KALRN: variants seen among roughly 807,000 people sequenced by gnomAD.
The protein encoded by KALRN is kalirin.
Under a neutral mutation model 353.7 loss-of-function variants are expected in KALRN, and 70 were observed. The ratio of observed to expected loss-of-function variants is 0.20; its 90% confidence interval spans 0.16 to 0.24. KALRN has a LOEUF of 0.24. KALRN is among the 10% of genes least tolerant of loss of function. KALRN has a pLI of 1.00. For synonymous variants in KALRN, 1,391 were observed against 1,434.8 expected (o/e 0.97, Z 0.69); for missense variants, 2,791 against 3,756.7 (o/e 0.74, Z 6.72).
At chr3:124,388,129 T>C (rs2088698993) in intron 11 of KALRN, among the ~76,000 whole-genome samples, 1 of 152,216 alleles carries the variant, frequency 6.6e-6, no homozygotes, top group Non-Finnish European at 1.5e-5. Flanking sequence ...GATTTCCAGA[T>C]CTATTTTCTT....
intron 3 of KALRN, among the ~76,000 whole-genome samples, chr3:124,246,354 G>A (rs545460035): frequency 1.3e-5 from 2 of 152,382 alleles, no homozygotes; most frequent in East Asian, 1.9e-4. Flanking sequence ...GCTCTGCAGG[G>A]CCTCCCAGGC....
chr3:124,697,028 T>C (rs559771465), intron 54 of KALRN, among the ~76,000 whole-genome samples: 2 of 152,254 alleles, frequency 1.3e-5, no homozygotes, highest in Admixed American at 6.5e-5. Context: ...CAAGCTATCC[T>C]CCCACCTCAG....
intron 1 of KALRN, among the ~76,000 whole-genome samples, chr3:124,126,597 C>T (rs76203745): frequency 2.4e-3 from 364 of 152,330 alleles, no homozygotes; most frequent in African/African-American, 8.1e-3. Flanking sequence ...TGATTTGGGG[C>T]ACAAGGCCAG....
chr3:124,270,922 C>T (rs545888632), intron 5 of KALRN, among the ~76,000 whole-genome samples: 214 of 151,044 alleles, frequency 1.4e-3, no homozygotes, highest in Admixed American at 5.1e-3. Flanking sequence ...CTCCACCTCC[C>T]GGGTTCACGC....
At chr3:124,317,336 G>A (rs1431142337) in intron 6 of KALRN, among the ~76,000 whole-genome samples, 1 of 152,164 alleles carries the variant, frequency 6.6e-6, no homozygotes, top group Non-Finnish European at 1.5e-5. Context: ...GTGATCCTAG[G>A]CAGGTTATTT....
intron 1 of KALRN, among the ~76,000 whole-genome samples, chr3:124,085,854 C>T (rs182939035): frequency 1.1e-3 from 165 of 152,238 alleles, no homozygotes; most frequent in Admixed American, 7.3e-3. Flanking sequence ...ATATGTATAT[C>T]CTACTAGAAC....
intron 1 of KALRN, among the ~76,000 whole-genome samples, chr3:124,067,247 T>G (rs1350878923): frequency 6.6e-6 from 1 of 152,150 alleles, no homozygotes; most frequent in East Asian, 1.9e-4. Context: ...AGATATGATA[T>G]TAGCACTTAT....
intron 34 of KALRN, among the ~76,000 whole-genome samples, chr3:124,582,908 C>T (rs544486107): frequency 6.6e-6 from 1 of 152,200 alleles, no homozygotes; most frequent in South Asian, 2.1e-4. Flanking sequence ...TAACTGGGAC[C>T]ACAGGTATGG....
intron 34 of KALRN, among the ~76,000 whole-genome samples, chr3:124,616,693 C>T (rs972971329): frequency 2.6e-5 from 4 of 152,166 alleles, no homozygotes; most frequent in East Asian, 1.9e-4. Context: ...TGGCCAGGCG[C>T]GGTAGCTCAT....
intron 1 of KALRN, among the ~76,000 whole-genome samples, chr3:124,203,249 G>A (rs571019751): frequency 2.6e-5 from 4 of 152,296 alleles, no homozygotes; most frequent in African/African-American, 7.2e-5. Context: ...GACAGTGATA[G>A]TCTGGCTCGT....
intron 1 of KALRN, among the ~76,000 whole-genome samples, chr3:124,075,172 C>A (rs1215207123): frequency 6.6e-6 from 1 of 152,208 alleles, no homozygotes; most frequent in Admixed American, 6.5e-5. Context: ...GCTACATGGG[C>A]ACTCTGCCAG....
At chr3:124,505,456 C>G (rs562368841) in intron 33 of KALRN, among the ~76,000 whole-genome samples, 1 of 152,128 alleles carries the variant, frequency 6.6e-6, no homozygotes, top group East Asian at 1.9e-4. Flanking sequence ...ATGGTGAAAC[C>G]CTATCTCTAC....
chr3:124,581,421 T>A (rs1396789360), intron 34 of KALRN, among the ~76,000 whole-genome samples: 1 of 149,962 alleles, frequency 6.7e-6, no homozygotes, highest in Non-Finnish European at 1.5e-5. Flanking sequence ...GGTGGAAACA[T>A]GCCCAGTGGA....
At chr3:124,123,117 T>C (rs1560011426) in intron 1 of KALRN, among the ~76,000 whole-genome samples, 8 of 151,018 alleles carry the variant, frequency 5.3e-5, no homozygotes. Flanking sequence ...GGAGAATCGC[T>C]TGAACATGGG....
intron 46 of KALRN, 92 bp from the exon 47 acceptor site, chr3:124,666,920 G>T (rs1428631383): frequency 3.7e-6 from 5 of 1,353,424 alleles, no homozygotes; most frequent in Non-Finnish European, 4.0e-6. Context: ...TTGGAAGCTT[G>T]TCCTGAAATA....
At chr3:124,054,183 G>A (rs1394308112) in intron 1 of KALRN, among the ~76,000 whole-genome samples, 3 of 152,086 alleles carry the variant, frequency 2.0e-5, no homozygotes, top group Non-Finnish European at 4.4e-5. Context: ...AGCATCAGCT[G>A]CAGTACCACA....
At chr3:124,540,678 G>A (rs990275804) in intron 33 of KALRN, among the ~76,000 whole-genome samples, 22 of 152,152 alleles carry the variant, frequency 1.4e-4, no homozygotes, top group Admixed American at 4.6e-4. Flanking sequence ...CATATCCAGG[G>A]CTCTTCATTT....
chr3:124,037,693 G>A (rs2039555946), intron 1 of KALRN, among the ~76,000 whole-genome samples: 1 of 152,144 alleles, frequency 6.6e-6, no homozygotes. Flanking sequence ...GAAAGGATGG[G>A]GAGTCAGGGA....
chr3:124,718,994 G>A lies in KALRN; in HGVS notation c.8485G>A (p.Val2829Ile). ...GAAGCTCATTGACTTGGAGGATGCT[G>A]TCCAGATCTCGGGTCACTTCCACAT... ...RVKLIDLEDAVQISGHFHIHH... is the reference protein window; with the variant it reads ...RVKLIDLEDAIQISGHFHIHH... The change falls in exon 60 of 60, where the codon GTC (valine) becomes ATC (isoleucine). Residue 2829 changes from valine (V) to isoleucine (I), a missense_variant. This residue lies in a region of KALRN where 188 missense variants were observed against 402.9 expected (regional missense o/e 0.47). Transcript: ENST00000682506. 6.2e-7 allele frequency: 1 copy of A among 1,614,194 alleles called. No homozygotes were observed. Among genetic ancestry groups the A allele is most frequent in the Non-Finnish European group, 8.5e-7 (1 of 1,180,036 alleles).
Sources: gnomAD v4.1 joint callset for allele counts (sites outside exome capture counted in the v4.1 genomes callset) on GRCh38, gnomAD v4.1.1 for gene constraint, gnomAD v4.1.1 regional missense constraint, MANE v1.5 for transcripts, NCBI Gene and HGNC (gene_info 2026-07-23, HGNC 2026-07-21) for gene names.